RECQL5: variants seen among roughly 807,000 people sequenced by gnomAD.
RECQL5 encodes RecQ like helicase 5.
A neutral mutation model predicts 103.4 loss-of-function variants in RECQL5; 88 were observed. That is an observed-to-expected ratio of 0.85 (90% CI 0.72 to 1.02). The LOEUF is 1.02. RECQL5 is among the 50% of genes least tolerant of loss of function. The pLI is 0.00. For synonymous variants in RECQL5, 552 were observed against 507.9 expected, an observed-to-expected ratio of 1.09 and a Z score of -1.17; for missense variants, 1,232 against 1,284.3, an observed-to-expected ratio of 0.96 and a Z score of 0.62.
Position 75,664,837 on chromosome 17 carries a change from C to T in RECQL5, c.252+214G>A, listed in dbSNP as rs546369450. 6.2e-5 allele frequency among the ~76,000 whole-genome samples: 9 copies of T among 146,198 alleles called. No individual in the cohort carries two copies. The South Asian group carries it at 1.6e-3, about 25-fold the overall frequency. On this transcript the variant is annotated intron_variant, in intron 3 of 19. Coordinates refer to ENST00000317905, the MANE Select transcript of RECQL5 (RefSeq NM_004259.7). ...CTGAGGCACAAGAATTGCTGGAAGCCGGGAGGTGGAGGCTGCAGTGAGCCA... is the reference window on the plus strand; with the variant it reads ...CTGAGGCACAAGAATTGCTGGAAGCTGGGAGGTGGAGGCTGCAGTGAGCCA...
At chr17:75,648,375 G>C (rs1334725147) in intron 8 of RECQL5, among the ~76,000 whole-genome samples, 1 of 152,012 alleles carries the variant, frequency 6.6e-6, no homozygotes, top group Non-Finnish European at 1.5e-5. Flanking sequence ...CTTTGTTGTT[G>C]TTGTTTCTTT....
chr17:75,649,808 C>T (rs946211854), intron 8 of RECQL5: 14 of 985,372 alleles, frequency 1.4e-5, no homozygotes, highest in South Asian at 4.7e-5. Context: ...CAAGAGGCAG[C>T]GCAACACCGT....
intron 8 of RECQL5, chr17:75,633,685 G>T: frequency 8.7e-7 from 1 of 1,143,756 alleles, no homozygotes; most frequent in Non-Finnish European, 1.1e-6. Flanking sequence ...AGTGGCCAGA[G>T]GGACAGAAGG....
At position 75,643,574 on chromosome 17, in the gene RECQL5, C is replaced by T. The variant is rs552268079; in HGVS notation, c.1229+7612G>A. The stretch of plus-strand genomic sequence containing the variant: ...CCTGCTCTCCGACAGCAGCCTGGCC[C>T]GCTCCTTTAAGAGGCAGCTTCTTGT... On this transcript the variant is annotated intron_variant, in intron 8 of 19. Coordinates refer to ENST00000317905, the MANE Select transcript of RECQL5 (RefSeq NM_004259.7). Among the ~76,000 whole-genome samples, 8 of 152,332 alleles carry T rather than the reference C, an allele frequency of 5.3e-5. No individual in the cohort carries two copies. In the East Asian group the frequency reaches 1.2e-3, roughly 22 times the overall value.
In RECQL5 at chr17:75,651,292, A is replaced by C. The variant is rs1164196046; in HGVS notation, c.1150-27T>G. The C allele has an allele frequency of 5.0e-6, 8 of 1,613,748 alleles. No homozygotes were observed. In the East Asian group the frequency reaches 1.3e-4, roughly 27 times the overall value. ...TGGGGACAAAAAATGACCACTTAGC[A>C]AGTCTTATAGAATTGGACTACCTTA... On this transcript the variant is annotated intron_variant, in intron 7 of 19. Coordinates refer to ENST00000317905, the MANE Select transcript of RECQL5 (RefSeq NM_004259.7).
intron 7 of RECQL5, among the ~76,000 whole-genome samples, chr17:75,655,980 C>A (rs8074319): frequency 0.36 from 55,037 of 151,984 alleles, 10,165 homozygotes; most frequent in East Asian, 0.54. Context: ...CTGCTCCTGG[C>A]CCCAGAGCTT....
intron 7 of RECQL5, among the ~76,000 whole-genome samples, chr17:75,655,716 T>C (rs573810810): frequency 6.6e-6 from 1 of 152,078 alleles, no homozygotes; most frequent in Non-Finnish European, 1.5e-5. Flanking sequence ...TCGCCCAGGC[T>C]GGAGTGCGTC....
At chr17:75,650,190 T>C in intron 8 of RECQL5, 3 of 988,006 alleles carry the variant, frequency 3.0e-6, no homozygotes, top group Non-Finnish European at 3.6e-6. Context: ...TCGCAAAGGC[T>C]GCAGGCAAGG....
chr17:75,632,921 C>T (rs1451458994), intron 8 of RECQL5, among the ~76,000 whole-genome samples: 1 of 152,246 alleles, frequency 6.6e-6, no homozygotes, highest in Admixed American at 6.5e-5. Flanking sequence ...AGTGTGAGCA[C>T]TGCTGCGGCT....
chr17:75,650,122 G>A, intron 8 of RECQL5: 1 of 986,318 alleles, frequency 1.0e-6, no homozygotes, highest in Non-Finnish European at 1.2e-6. Context: ...TGCTCAAGAA[G>A]CCTAAGAAGG....
intron 3 of RECQL5, 57 bp from the exon 4 acceptor site, chr17:75,663,054 C>T: frequency 6.7e-7 from 1 of 1,503,526 alleles, no homozygotes; most frequent in South Asian, 1.3e-5. Flanking sequence ...AACATCACTG[C>T]AAGTCCCTGG....
intron 7 of RECQL5, among the ~76,000 whole-genome samples, chr17:75,657,479 T>C (rs1006190273): frequency 1.3e-5 from 2 of 152,114 alleles, no homozygotes; most frequent in South Asian, 2.1e-4. Context: ...CCGGGAGCAG[T>C]AGCTCACACC....
Position 75,653,382 on chromosome 17 carries a change from A to T in RECQL5, c.1150-2117T>A, listed in dbSNP as rs140820179. On this transcript the variant is annotated intron_variant, in intron 7 of 19. Transcript: ENST00000317905. The stretch of plus-strand genomic sequence containing the variant: ...AACTTCCTTCCTTGCCCATTCCTGG[A>T]GGTAATTCCCCTCTTAGTGACCGAA... Among the ~76,000 whole-genome samples the T allele has an allele frequency of 4.1e-4, 63 of 152,286 alleles. 1 individual carries two copies. The East Asian group carries it at 0.01, about 25-fold the overall frequency.
rs756007035 is a variant in RECQL5 at position 75,631,183 on chromosome 17, G to T, written c.1515C>A (p.Asn505Lys). The T allele has an allele frequency of 5.6e-6, 9 of 1,613,914 alleles. No individual in the cohort carries two copies. The highest frequency in any genetic ancestry group is 1.7e-6 in the Non-Finnish European group (2 of 1,180,012). Residue 505 changes from asparagine to lysine, a missense_variant, in exon 10 of 20, where the codon AAC (asparagine) becomes AAA (lysine). Physicochemically the swap from Asn to Lys is moderately conservative, Grantham distance 94. Coordinates refer to ENST00000317905, the MANE Select transcript of RECQL5 (RefSeq NM_004259.7). ...GRDEAHKREW[N>K]LFYQKQMQLR... ...GCTGCATCTGCTTCTGATAGAAGAG[G>T]TTCCACTCCCGCTTGTGGGCCTCAT...
intron 8 of RECQL5, among the ~76,000 whole-genome samples, chr17:75,643,377 G>A (rs1173880445): frequency 6.6e-6 from 1 of 152,244 alleles, no homozygotes; most frequent in Non-Finnish European, 1.5e-5. Flanking sequence ...CAGACAGGCC[G>A]AATGGCCGCT....
At chr17:75,627,834 A>G in intron 18 of RECQL5, 142 bp from the exon 19 acceptor site, 1 of 702,990 alleles carries the variant, frequency 1.4e-6, no homozygotes, top group South Asian at 1.8e-5. Context: ...CCTGGCTAAC[A>G]CGGTGAAACC....
chr17:75,658,117 G>T lies in RECQL5; in HGVS notation c.1149+181C>A, dbSNP rs118048105. On this transcript the variant is annotated intron_variant, in intron 7 of 19. Coordinates refer to ENST00000317905, the MANE Select transcript of RECQL5 (RefSeq NM_004259.7). Reference sequence around the variant, plus strand: ...ATATTTAAATATTTAGAAAGAAAAAGTCTAACCTAGCTTGTTGTAAGCTGC... The same window carrying T: ...ATATTTAAATATTTAGAAAGAAAAATTCTAACCTAGCTTGTTGTAAGCTGC... 9.2e-5 allele frequency among the ~76,000 whole-genome samples: 14 copies of T among 152,214 alleles called. No homozygotes were observed. In the East Asian group the frequency reaches 2.5e-3, roughly 27 times the overall value.
At position 75,640,964 on chromosome 17, in the gene RECQL5, C is replaced by T; in HGVS notation, c.1230-9296G>A. The stretch of plus-strand genomic sequence containing the variant: ...CAATGCCATGACACAGGCCATCAGC[C>T]TGGCCCTGCAGCCCTTACCCCTCAA... On this transcript the variant is annotated intron_variant, in intron 8 of 19. Coordinates refer to ENST00000317905, the MANE Select transcript of RECQL5 (RefSeq NM_004259.7). The surrounding 1 kb of genome is among the most constrained non-coding windows in gnomAD (Gnocchi z 4.6). The T allele has an allele frequency of 2.0e-6, 3 of 1,523,354 alleles. No homozygotes were observed. The highest frequency in any genetic ancestry group is 2.6e-6 in the Non-Finnish European group (3 of 1,136,082). 94.4% of individuals were successfully genotyped at this position (1,523,354 alleles called of 1,614,324 possible). A position where few individuals can be genotyped will look rare whatever the true frequency, so the allele number is the denominator to read the frequency against.
In RECQL5 at chr17:75,631,135, A is replaced by G. The variant is rs531011125; in HGVS notation, c.1548+15T>C. On this transcript the variant is annotated intron_variant, in intron 10 of 19. Coordinates refer to ENST00000317905, the MANE Select transcript of RECQL5 (RefSeq NM_004259.7). The stretch of plus-strand genomic sequence containing the variant: ...ACCAGGGGCCCCACACAGGCCACTG[A>G]GTGCCTCCCCTCACCTTGCGCAGCT... The G allele has an allele frequency of 1.9e-6, 3 of 1,612,776 alleles. No individual in the cohort carries two copies. The South Asian group carries it at 3.3e-5, about 18-fold the overall frequency.
Sources: gnomAD v4.1 joint callset for allele counts (sites outside exome capture counted in the v4.1 genomes callset) on GRCh38, gnomAD v4.1.1 for gene constraint, Gnocchi (gnomAD v3.1) non-coding constraint, MANE v1.5 for transcripts, NCBI Gene and HGNC (gene_info 2026-07-23, HGNC 2026-07-21) for gene names.